The following CSMD1 variants were observed in gnomAD, a reference collection of about 807,000 sequenced individuals.
The protein encoded by CSMD1 is CUB and sushi domain-containing protein 1.
Under a neutral mutation model 417.5 loss-of-function variants are expected in CSMD1, and 213 were observed. The observed-to-expected ratio is 0.51, with a 90% confidence interval of 0.46 to 0.57. The LOEUF is 0.57. CSMD1 is among the 20% of genes least tolerant of loss of function. The pLI is 0.00. For synonymous variants in CSMD1, 2,862 were observed against 1,736.8 expected (o/e 1.65, Z -16.11); for missense variants, 6,923 against 4,529.7 (o/e 1.53, Z -15.17).
intron 3 of CSMD1, among the ~76,000 whole-genome samples, chr8:4,231,918 A>G (rs1219109163): frequency 1.3e-5 from 1 of 74,528 alleles, no homozygotes; most frequent in Admixed American, 1.7e-4. Flanking sequence ...AATCTCATAC[A>G]TAAAATATGT....
At position 3,308,516 on chromosome 8, in the gene CSMD1, A is replaced by G. The variant is rs768184967; in HGVS notation, c.3632-13T>C. The G allele has an allele frequency of 1.9e-6, 3 of 1,602,272 alleles. No homozygotes were observed. The Admixed American group carries it at 5.1e-5, about 27-fold the overall frequency. On this transcript the variant is annotated splice_polypyrimidine_tract_variant and intron_variant, in intron 23 of 69. Transcript: ENST00000635120. ...ACCAGATCAAAACCTGCAAGAGAGA[A>G]AGGCAAGGAATGAACAGAACTCAAG... is the stretch of plus-strand genomic sequence containing the variant.
At chr8:3,674,295 C>G (rs1218451471) in intron 7 of CSMD1, among the ~76,000 whole-genome samples, 1 of 152,102 alleles carries the variant, frequency 6.6e-6, no homozygotes, top group Non-Finnish European at 1.5e-5. Flanking sequence ...TAATAAATCA[C>G]CCAAAATACC....
chr8:4,561,864 CA>C (rs1270139823), intron 2 of CSMD1, among the ~76,000 whole-genome samples: 14 of 152,160 alleles, frequency 9.2e-5, no homozygotes, highest in African/African-American at 3.4e-4. Flanking sequence ...GTGACTTGTT[CA>C]AAGCCACACA....
At chr8:4,381,006 A>C (rs1342738145) in intron 3 of CSMD1, among the ~76,000 whole-genome samples, 1 of 152,084 alleles carries the variant, frequency 6.6e-6, no homozygotes. Flanking sequence ...CACTGCCAGA[A>C]CTCATTTCTC....
chr8:4,174,809 G>C (rs1184042132), intron 3 of CSMD1, among the ~76,000 whole-genome samples: 2 of 133,066 alleles, frequency 1.5e-5, no homozygotes, highest in African/African-American at 5.9e-5. Flanking sequence ...GAGAGATTCA[G>C]ATTAGTTTGT....
At chr8:3,576,680 G>C (rs994978231) in intron 9 of CSMD1, among the ~76,000 whole-genome samples, 4 of 152,146 alleles carry the variant, frequency 2.6e-5, no homozygotes, top group African/African-American at 9.7e-5. Context: ...TGGTCTAAAG[G>C]TCACTGGACA....
intron 7 of CSMD1, among the ~76,000 whole-genome samples, chr8:3,676,250 G>C (rs749326446): frequency 1.3e-5 from 2 of 152,176 alleles, no homozygotes; most frequent in African/African-American, 2.4e-5. Flanking sequence ...GACATGTACA[G>C]TTTTGATCCC....
At chr8:3,404,650 GAAAAT>G (rs1812238980) in intron 15 of CSMD1, among the ~76,000 whole-genome samples, 1 of 152,032 alleles carries the variant, frequency 6.6e-6, no homozygotes, top group Non-Finnish European at 1.5e-5. Context: ...AGACAACTGA[GAAAAT>G]AAAAATAAAC....
At chr8:3,243,125 T>C (rs1434780897) in intron 26 of CSMD1, among the ~76,000 whole-genome samples, 5 of 151,682 alleles carry the variant, frequency 3.3e-5, no homozygotes, top group Non-Finnish European at 7.4e-5. Context: ...GAGAAAGTGG[T>C]TGAGGGATAG....
At chr8:3,321,217 T>C (rs1806133182) in intron 23 of CSMD1, among the ~76,000 whole-genome samples, 1 of 152,074 alleles carries the variant, frequency 6.6e-6, no homozygotes, top group Non-Finnish European at 1.5e-5. Flanking sequence ...GCACACAAGA[T>C]TGCTGTTGTT....
chr8:3,890,958 CAAT>C (rs1218753487), intron 5 of CSMD1, among the ~76,000 whole-genome samples: 2 of 152,072 alleles, frequency 1.3e-5, no homozygotes, highest in Non-Finnish European at 2.9e-5. Flanking sequence ...ACGACTCTCT[CAAT>C]AACCTGTGAA....
chr8:4,617,252 A>T (rs1379934357), intron 2 of CSMD1, among the ~76,000 whole-genome samples: 1 of 152,174 alleles, frequency 6.6e-6, no homozygotes, highest in Non-Finnish European at 1.5e-5. Flanking sequence ...TAAAATCTTT[A>T]AGAGCGATTA....
chr8:3,291,736 G>C (rs1803585484), intron 25 of CSMD1, among the ~76,000 whole-genome samples: 2 of 151,918 alleles, frequency 1.3e-5, no homozygotes, highest in South Asian at 4.1e-4. Flanking sequence ...TATTTGTCTT[G>C]CTAGTGGTTT....
rs375397999 is a variant in CSMD1, at chr8:4,259,437, C to T, written c.415+160516G>A. On this transcript the variant is annotated intron_variant, in intron 3 of 69. Coordinates refer to ENST00000635120, the MANE Select transcript of CSMD1 (RefSeq NM_033225.6). ...TTCATAATTATACCAGGACCCATCC[C>T]AGCGCTATGAAAATGCCTTAAGCTT... is the stretch of plus-strand genomic sequence containing the variant. Among the ~76,000 whole-genome samples, 239 of 152,192 alleles carry T rather than the reference C, an allele frequency of 1.6e-3. 1 individual carries two copies. Among genetic ancestry groups the T allele is most frequent in the African/African-American group, 5.4e-3 (226 of 41,512 alleles).
intron 3 of CSMD1, among the ~76,000 whole-genome samples, chr8:4,304,952 G>T (rs1345319064): frequency 6.6e-6 from 1 of 151,982 alleles, no homozygotes; most frequent in African/African-American, 2.4e-5. Flanking sequence ...TCAGGCTGTG[G>T]TATTTGCTAC....
chr8:3,683,486 T>TACC (rs1327820087), intron 7 of CSMD1, among the ~76,000 whole-genome samples: 2 of 152,180 alleles, frequency 1.3e-5, no homozygotes, highest in African/African-American at 2.4e-5. Context: ...TGTTCATAGG[T>TACC]ACCTGTCAGC....
rs151065349 is a variant in CSMD1 at position 4,308,084 on chromosome 8, T to A, written c.415+111869A>T. Among the ~76,000 whole-genome samples the A allele has an allele frequency of 2.9e-3, 442 of 152,272 alleles. 2 individuals carry two copies. The highest frequency in any genetic ancestry group is 0.01 in the African/African-American group (423 of 41,550). On this transcript the variant is annotated intron_variant, in intron 3 of 69. Coordinates refer to ENST00000635120, the MANE Select transcript of CSMD1 (RefSeq NM_033225.6). Reference sequence around the variant, plus strand: ...CTCAGTTACACACTTTGGTCTTTATTCGAACAGTGGCAGAAGTGGAGAGGG... The same window carrying A: ...CTCAGTTACACACTTTGGTCTTTATACGAACAGTGGCAGAAGTGGAGAGGG...
chr8:3,817,990 A>C (rs1801487812), intron 5 of CSMD1, among the ~76,000 whole-genome samples: 1 of 152,182 alleles, frequency 6.6e-6, no homozygotes, highest in African/African-American at 2.4e-5. Context: ...TATTTTAAGA[A>C]AAAGCCCATT....
intron 1 of CSMD1, among the ~76,000 whole-genome samples, chr8:4,736,387 G>C (rs531914829): frequency 3.1e-4 from 47 of 152,060 alleles, no homozygotes; most frequent in Middle Eastern, 3.4e-3. Flanking sequence ...GATTCCAGGA[G>C]AGAGAGAGAG....
Sources: allele counts gnomAD v4.1 joint callset (sites outside exome capture counted in the v4.1 genomes callset), GRCh38; gene constraint gnomAD v4.1.1; transcripts MANE v1.5; gene names NCBI Gene and HGNC (gene_info 2026-07-23, HGNC 2026-07-21).